IQSEC1: variants seen among roughly 807,000 people sequenced by gnomAD.
IQSEC1 encodes the protein IQ motif and SEC7 domain-containing protein 1.
In IQSEC1, 31 loss-of-function variants were observed where a neutral mutation model predicts 91.0. The observed-to-expected ratio is 0.34, with a 90% CI of 0.26 to 0.46. The LOEUF (loss-of-function observed/expected upper bound fraction) is 0.46. Among genes scored for constraint, IQSEC1 ranks in the 20% least tolerant of loss-of-function variants. The probability of loss-of-function intolerance (pLI) is 1.00; values close to 1 mark genes in which losing one functional copy is unlikely to be tolerated. For missense variants in IQSEC1, 1,388 were observed against 1,575.6 expected (o/e 0.88, Z 2.02); for synonymous variants, 699 against 662.6 (o/e 1.05, Z -0.84).
intron 1 of IQSEC1, among the ~76,000 whole-genome samples, chr3:13,253,473 A>G (rs887376506): frequency 2.0e-5 from 3 of 152,220 alleles, no homozygotes; most frequent in Non-Finnish European, 2.9e-5. Flanking sequence ...GGGGGTTGGA[A>G]GAGCTCACAC....
chr3:13,108,787 C>G (rs987608837), intron 2 of IQSEC1, among the ~76,000 whole-genome samples: 4 of 152,184 alleles, frequency 2.6e-5, no homozygotes, highest in African/African-American at 9.7e-5. Flanking sequence ...TAAGTCGCAA[C>G]CAGATAAGCA....
At position 13,036,630 on chromosome 3, in the gene IQSEC1, C is replaced by T. The variant is rs542240630; in HGVS notation, c.23+36362G>A. Among the ~76,000 whole-genome samples, 193 of 152,200 alleles carry T rather than the reference C, an allele frequency of 1.3e-3. 1 individual carries two copies. The highest frequency in any genetic ancestry group is 4.3e-3 in the African/African-American group (180 of 41,512). Reference sequence around the variant, plus strand: ...CAACAGATGAGGCCCAGGGCATCAGCGGTGTGGGGGGTGCCCGACAGCCCT... The same window carrying T: ...CAACAGATGAGGCCCAGGGCATCAGTGGTGTGGGGGGTGCCCGACAGCCCT... On this transcript the variant is annotated intron_variant, in intron 1 of 13. Coordinates refer to ENST00000613206, the MANE Select transcript of IQSEC1 (RefSeq NM_001134382.3).
chr3:13,152,519 C>A (rs538855114), intron 2 of IQSEC1, among the ~76,000 whole-genome samples: 1 of 152,348 alleles, frequency 6.6e-6, no homozygotes, highest in East Asian at 1.9e-4. Flanking sequence ...CTCATCTGCT[C>A]TATCTCAGTA....
At chr3:12,999,626 G>C (rs1458472087) in intron 1 of IQSEC1, among the ~76,000 whole-genome samples, 1 of 152,160 alleles carries the variant, frequency 6.6e-6, no homozygotes, top group East Asian at 1.9e-4. Context: ...CCAGAGATTA[G>C]CCTTGGCCTC....
intron 4 of IQSEC1, among the ~76,000 whole-genome samples, chr3:12,923,760 G>GCT (rs750627136): frequency 1.9e-4 from 29 of 152,214 alleles, no homozygotes; most frequent in Non-Finnish European, 4.4e-5. Flanking sequence ...AGGGGCTGCT[G>GCT]CTCCCGGGCA....
In IQSEC1 at chr3:13,122,445, G is replaced by T. The variant is rs536414115; in HGVS notation, c.302+41659C>A. Among the ~76,000 whole-genome samples, 3 of 152,280 alleles carry T rather than the reference G, an allele frequency of 2.0e-5. No individual in the cohort carries two copies. The East Asian group carries it at 5.8e-4, about 29-fold the overall frequency. On this transcript the variant is annotated intron_variant, in intron 2 of 15. Transcript: ENST00000648114. ...CATGGACGCAGTTGGGTTTTATTAG[G>T]TCCCTCTGGCTGTTCAGGGAGGGAG...
intron 1 of IQSEC1, among the ~76,000 whole-genome samples, chr3:13,038,506 G>A (rs762494062): frequency 1.2e-4 from 18 of 151,696 alleles, no homozygotes; most frequent in Non-Finnish European, 2.2e-4. Flanking sequence ...AAGGGTAGTC[G>A]GGGGACAGAG....
intron 1 of IQSEC1, among the ~76,000 whole-genome samples, chr3:13,265,916 CAA>C (rs34132019): frequency 4.7e-4 from 52 of 110,764 alleles, no homozygotes; most frequent in Non-Finnish European, 5.7e-4. Flanking sequence ...TGCTTTATTG[CAA>C]AAAAAAAAAA....
At position 13,080,864 on chromosome 3, in the gene IQSEC1, G is replaced by C. The variant is rs189344288; in HGVS notation, c.303-33342C>G. On this transcript the variant is annotated intron_variant, in intron 2 of 15. Coordinates refer to the IQSEC1 transcript ENST00000648114. Reference sequence around the variant, plus strand: ...TCCCCGGGGATCTGAGCTAATACAAGAACAACATTCTTAGTAAAAAAGAAT... The same window carrying C: ...TCCCCGGGGATCTGAGCTAATACAACAACAACATTCTTAGTAAAAAAGAAT... Among the ~76,000 whole-genome samples the C allele has an allele frequency of 1.7e-4, 26 of 152,248 alleles. 1 individual carries two copies. The East Asian group carries it at 4.8e-3, about 28-fold the overall frequency.
chr3:13,280,697 C>G (rs367820418), intron 1 of IQSEC1, among the ~76,000 whole-genome samples: 16 of 152,334 alleles, frequency 1.1e-4, no homozygotes, highest in Middle Eastern at 3.4e-3. Context: ...AGACTCCAGC[C>G]CACCCCAGAC....
Position 12,901,114 on chromosome 3 carries a change from G to C in IQSEC1, c.3214C>G (p.His1072Asp), listed in dbSNP as rs1307391575. ...GGCAGCGGCGGGTGGCCGTGGGCATGGGCCCCGTAGGCTGGGTGGCCCCCA... is the reference window on the plus strand; with the variant it reads ...GGCAGCGGCGGGTGGCCGTGGGCATCGGCCCCGTAGGCTGGGTGGCCCCCA... Reference protein sequence around the residue: ...PHGGHPAYGAHAHGHPPLPSA... With the variant: ...PHGGHPAYGADAHGHPPLPSA... The change falls in exon 14 of 14, where the codon CAT becomes GAT. Residue 1072 changes from histidine (H) to aspartate (D), a missense_variant. Physicochemically the swap from His to Asp is moderately conservative, Grantham distance 81. This residue lies in a region of IQSEC1 where 329 missense variants were observed against 257.8 expected (regional missense o/e 1.28). Coordinates refer to ENST00000613206, the MANE Select transcript of IQSEC1 (RefSeq NM_001134382.3). 1 of 1,540,762 alleles carries C rather than the reference G, an allele frequency of 6.5e-7. No homozygotes were observed. Among genetic ancestry groups the C allele is most frequent in the Admixed American group, 2.0e-5 (1 of 50,772 alleles).
At chr3:13,225,375 G>C (rs1305098460) in intron 1 of IQSEC1, among the ~76,000 whole-genome samples, 1 of 152,220 alleles carries the variant, frequency 6.6e-6, no homozygotes, top group Non-Finnish European at 1.5e-5. Context: ...TTTACCAGAA[G>C]CCACTGAATG....
intron 12 of IQSEC1, 120 bp from the exon 13 acceptor site, chr3:12,902,942 G>T (rs992479447): frequency 1.3e-6 from 1 of 766,752 alleles, no homozygotes; most frequent in East Asian, 2.7e-5. Context: ...CACAGGTGCC[G>T]GGCCCACCTG....
At chr3:13,180,226 G>A (rs866788527) in intron 1 of IQSEC1, among the ~76,000 whole-genome samples, 1 of 146,054 alleles carries the variant, frequency 6.8e-6, no homozygotes, top group African/African-American at 2.8e-5. Flanking sequence ...CTAAGGGATT[G>A]TAAATACACC....
At chr3:13,089,124 C>T (rs1161018910) in intron 2 of IQSEC1, among the ~76,000 whole-genome samples, 2 of 152,338 alleles carry the variant, frequency 1.3e-5, no homozygotes, top group Non-Finnish European at 1.5e-5. Context: ...CCCTTGGGCC[C>T]CTCCCCAAAA....
At chr3:13,115,067 C>T (rs901911688) in intron 2 of IQSEC1, among the ~76,000 whole-genome samples, 20 of 152,120 alleles carry the variant, frequency 1.3e-4, no homozygotes, top group East Asian at 7.7e-4. Context: ...AGCTCAGGTG[C>T]GGCCTTGAAT....
intron 1 of IQSEC1, among the ~76,000 whole-genome samples, chr3:13,279,260 A>G (rs1158103410): frequency 1.3e-5 from 2 of 152,226 alleles, no homozygotes; most frequent in Non-Finnish European, 2.9e-5. Context: ...TCTAGTGAGC[A>G]GAGAGCAATT....
chr3:13,277,567 A>G (rs2125154820), intron 1 of IQSEC1, among the ~76,000 whole-genome samples: 1 of 152,294 alleles, frequency 6.6e-6, no homozygotes, highest in East Asian at 1.9e-4. Context: ...CTGGAAAATG[A>G]GAATCACTCT....
chr3:13,263,498 A>G (rs1695430078), intron 1 of IQSEC1, among the ~76,000 whole-genome samples: 1 of 144,174 alleles, frequency 6.9e-6, no homozygotes, highest in African/African-American at 2.6e-5. Flanking sequence ...GCTGAAGTGC[A>G]ATGGCGTGAT....
Sources: allele counts gnomAD v4.1 joint callset (sites outside exome capture counted in the v4.1 genomes callset), GRCh38; gene constraint gnomAD v4.1.1; regional missense constraint gnomAD v4.1.1; transcripts MANE v1.5; gene names NCBI Gene and HGNC (gene_info 2026-07-23, HGNC 2026-07-21).